The following SRFBP1 variants were observed in gnomAD, a reference collection of about 807,000 sequenced individuals.
SRFBP1 encodes the protein serum response factor binding protein 1.
In SRFBP1, 47 loss-of-function variants were observed where a neutral mutation model predicts 45.5. The ratio of observed to expected loss-of-function variants is 1.03; its 90% CI spans 0.82 to 1.32. The LOEUF is 1.32. Among genes scored for constraint, SRFBP1 ranks in the 40% most tolerant of loss-of-function variants. SRFBP1 has a pLI of 0.00. For missense variants in SRFBP1, 621 were observed against 484.6 expected (o/e 1.28, Z -2.64); for synonymous variants, 203 against 166.3 (o/e 1.22, Z -1.70).
rs140383520 is a variant in SRFBP1, at chr5:121,981,229, GA to G, written c.198+5844del. On this transcript the variant is annotated intron_variant, in intron 3 of 7. Coordinates refer to ENST00000339397, the MANE Select transcript of SRFBP1 (RefSeq NM_152546.3). ...AAAATTTCGATTTTAGGAAGATGAA[GA>G]AGAATAAGTAAAAGAGACTGAAAAA... Among the ~76,000 whole-genome samples, 782 of 152,046 alleles carry G rather than the reference GA, an allele frequency of 5.1e-3. 20 individuals are homozygous for G. The East Asian group carries it at 0.053, about 10-fold the overall frequency.
chr5:121,980,374 T>G (rs2112824337), intron 3 of SRFBP1, among the ~76,000 whole-genome samples: 1 of 152,266 alleles, frequency 6.6e-6, no homozygotes, highest in Non-Finnish European at 1.5e-5. Flanking sequence ...AAAGGTATCT[T>G]TTCTGTTTGC....
chr5:122,014,692 G>A (rs1002137617), intron 4 of SRFBP1, among the ~76,000 whole-genome samples: 3 of 152,148 alleles, frequency 2.0e-5, no homozygotes, highest in African/African-American at 7.2e-5. Flanking sequence ...GTTAGTCTGG[G>A]ATATCTTCCA....
At chr5:122,000,057 C>G (rs529795508) in intron 4 of SRFBP1, among the ~76,000 whole-genome samples, 1 of 152,062 alleles carries the variant, frequency 6.6e-6, no homozygotes, top group Non-Finnish European at 1.5e-5. Flanking sequence ...AGCATCTTAT[C>G]TCTTCTATTG....
At chr5:122,033,588 G>A (rs892661244), downstream of SRFBP1, among the ~76,000 whole-genome samples, 4 of 151,134 alleles carry the variant, frequency 2.6e-5, no homozygotes, top group African/African-American at 9.7e-5. Flanking sequence ...CAGCCTCCCC[G>A]TTAGCTGGGA....
Position 122,020,467 on chromosome 5 carries a change from T to A in SRFBP1, c.732T>A (p.Ser244=). The A allele has an allele frequency of 1.2e-6, 2 of 1,614,112 alleles. No individual in the cohort carries two copies. The highest frequency in any genetic ancestry group is 1.7e-6 in the Non-Finnish European group (2 of 1,180,000). The change falls in exon 6 of 8, where the codon TCT becomes TCA. Residue 244 remains serine (S), a synonymous_variant. Transcript: ENST00000339397. Reference sequence around the variant, plus strand: ...ACAAAGGATCTGATAGCTCACTCTCTGGTAACAGTGATGGCGGAGAAGAAT... The same window carrying A: ...ACAAAGGATCTGATAGCTCACTCTCAGGTAACAGTGATGGCGGAGAAGAAT... ...KKNKGSDSSL[S]GNSDGGEEFC...
intron 2 of SRFBP1, among the ~76,000 whole-genome samples, chr5:121,975,005 A>G (rs2112818728): frequency 6.6e-6 from 1 of 152,084 alleles, no homozygotes; most frequent in East Asian, 1.9e-4. Flanking sequence ...ATTACATTAA[A>G]TACAATGTAC....
chr5:121,971,163 A>G (rs1418842249), intron 1 of SRFBP1, among the ~76,000 whole-genome samples: 1 of 152,042 alleles, frequency 6.6e-6, no homozygotes, highest in Non-Finnish European at 1.5e-5. Flanking sequence ...AAGGTACGAC[A>G]TTGGATATAT....
chr5:121,993,597 C>G (rs1305950132), intron 3 of SRFBP1, among the ~76,000 whole-genome samples: 5 of 152,094 alleles, frequency 3.3e-5, no homozygotes, highest in Admixed American at 6.6e-5. Flanking sequence ...TTGAGTCTTA[C>G]TTTTCACTTG....
At chr5:121,988,562 C>T (rs1160604900) in intron 3 of SRFBP1, among the ~76,000 whole-genome samples, 1 of 152,218 alleles carries the variant, frequency 6.6e-6, no homozygotes, top group Non-Finnish European at 1.5e-5. Context: ...AAAGTGTTGT[C>T]AACCAGGAAA....
chr5:122,077,330 T>C, downstream of SRFBP1: 1 of 1,613,366 alleles, frequency 6.2e-7, no homozygotes, highest in Non-Finnish European at 8.5e-7. The surrounding 1 kb of genome is among the most constrained non-coding windows in gnomAD (Gnocchi z 4.9). Flanking sequence ...GCACGGGTGC[T>C]TCCAGCGGAC....
intron 2 of SRFBP1, among the ~76,000 whole-genome samples, chr5:122,050,744 A>G (rs899887794): frequency 6.6e-5 from 10 of 151,994 alleles, no homozygotes; most frequent in Non-Finnish European, 1.0e-4. Context: ...TAATGTCTCA[A>G]TTTCCTTCAG....
chr5:122,069,180 A>T (rs1048463658), intron 2 of SRFBP1, among the ~76,000 whole-genome samples: 1 of 152,144 alleles, frequency 6.6e-6, no homozygotes, highest in Non-Finnish European at 1.5e-5. Context: ...TCTATTAATT[A>T]TGAGATTCTA....
In SRFBP1 at chr5:122,067,076, G is replaced by T. The variant is rs116663388; in HGVS notation, n.312-8239G>T. 5.0e-3 allele frequency among the ~76,000 whole-genome samples: 765 copies of T among 152,124 alleles called. 10 individuals are homozygous for T. Among genetic ancestry groups the T allele is most frequent in the African/African-American group, 0.017 (721 of 41,528 alleles). ...GAATTCATTCCATGGAACAAGGGTG[G>T]CATGTCCACCAAGAAGTAGAGTCAA... On this transcript the variant is annotated intron_variant and non_coding_transcript_variant, in intron 2 of 2. Coordinates refer to the SRFBP1 transcript ENST00000504881.
At chr5:121,963,096 A>G (rs1180055393) in intron 1 of SRFBP1, among the ~76,000 whole-genome samples, 1 of 152,234 alleles carries the variant, frequency 6.6e-6, no homozygotes, top group African/African-American at 2.4e-5. Flanking sequence ...TCAGTGATTC[A>G]GGAAAGGGGA....
In SRFBP1 at chr5:121,994,636, GTGA is replaced by G; in HGVS notation, c.241_243del (p.Asp81del). ...GACATAGTAACTAAATCTGCTCTTG[GTGA>G]TGATATCAACTTTGAAAAAATCTTC... On this transcript the variant is annotated inframe_deletion, in exon 4 of 8. Transcript: ENST00000339397. 1.3e-6 allele frequency: 2 copies of G among 1,595,980 alleles called. No homozygotes were observed. Among genetic ancestry groups the G allele is most frequent in the Non-Finnish European group, 1.7e-6 (2 of 1,172,740 alleles).
downstream of SRFBP1, chr5:122,077,329 C>G (rs1456025583): frequency 1.9e-6 from 3 of 1,613,362 alleles, no homozygotes; most frequent in Non-Finnish European, 2.5e-6. The surrounding 1 kb of genome is among the most constrained non-coding windows in gnomAD (Gnocchi z 4.9). Flanking sequence ...TGCACGGGTG[C>G]TTCCAGCGGA....
rs2042877 is a variant in SRFBP1, at chr5:121,987,371, A to G, written c.199-7228A>G. On this transcript the variant is annotated intron_variant, in intron 3 of 7. Coordinates refer to ENST00000339397, the MANE Select transcript of SRFBP1 (RefSeq NM_152546.3). The stretch of plus-strand genomic sequence containing the variant: ...GAAGAAGATCTGATATTTTATTTGG[A>G]AAAAAAATCTATTGGCAATATGATG... Among the ~76,000 whole-genome samples, 620 of 152,186 alleles carry G rather than the reference A, an allele frequency of 4.1e-3. 15 individuals are homozygous for G. In the East Asian group the frequency reaches 0.053, roughly 13 times the overall value.
chr5:122,051,384 A>G (rs1303511721), intron 2 of SRFBP1, among the ~76,000 whole-genome samples: 1 of 151,546 alleles, frequency 6.6e-6, no homozygotes, highest in African/African-American at 2.4e-5. Context: ...ATTGTTTGGG[A>G]ATCTAAGTCT....
chr5:122,026,821 A>G, intron 7 of SRFBP1, 121 bp from the exon 8 acceptor site: 1 of 670,122 alleles, frequency 1.5e-6, no homozygotes, highest in Non-Finnish European at 2.3e-6. Context: ...TAAATTGTGA[A>G]ATATTCCATT....
Sources: gnomAD v4.1 joint callset for allele counts (sites outside exome capture counted in the v4.1 genomes callset) on GRCh38, gnomAD v4.1.1 for gene constraint, Gnocchi (gnomAD v3.1) non-coding constraint, MANE v1.5 for transcripts, NCBI Gene and HGNC (gene_info 2026-07-23, HGNC 2026-07-21) for gene names.